TGM4: variants seen among roughly 807,000 people sequenced by gnomAD.
TGM4 encodes the protein transglutaminase 4.
A neutral mutation model predicts 76.3 loss-of-function variants in TGM4; 61 were observed. The observed-to-expected ratio is 0.80, with a 90% CI of 0.65 to 0.99. The LOEUF is 0.99. Ranked by LOEUF, TGM4 falls within the 50% of genes least tolerant of loss-of-function variation. The probability of loss-of-function intolerance (pLI) is 0.00; values close to 1 mark genes in which losing one functional copy is unlikely to be tolerated. For synonymous variants in TGM4, 337 were observed against 329.8 expected (o/e 1.02, Z -0.24); for missense variants, 794 against 843.2 (o/e 0.94, Z 0.72).
chr3:44,896,644 G>T, intron 5 of TGM4, 65 bp from the exon 6 acceptor site: 3 of 1,464,958 alleles, frequency 2.0e-6, no homozygotes, highest in Non-Finnish European at 2.9e-6. Flanking sequence ...AAATTAGATG[G>T]TATGTGTTAA....
intron 3 of TGM4, 172 bp downstream of exon 3, chr3:44,887,967 C>T (rs1699636162): frequency 3.2e-6 from 2 of 633,940 alleles, no homozygotes; most frequent in African/African-American, 1.8e-5. Flanking sequence ...CCCCACTCAG[C>T]CTCCTCCAAG....
chr3:44,911,865 T>C (rs1292611569), intron 13 of TGM4, among the ~76,000 whole-genome samples: 1 of 152,254 alleles, frequency 6.6e-6, no homozygotes, highest in Non-Finnish European at 1.5e-5. Context: ...TCTCACTTTG[T>C]TGCCCAGGCT....
chr3:44,901,664 C>G lies in TGM4; in HGVS notation c.798C>G (p.Gly266=). Residue 266 remains glycine, a synonymous_variant, in exon 7 of 14, where the codon GGC becomes GGG. Transcript: ENST00000296125. ...YYNTKQAVCF[G]QCWVFAGILT... is the part of the protein sequence containing the mutation. ...ACACGAAGCAGGCTGTGTGCTTTGG[C>G]CAGTGCTGGGTGTTTGCTGGGATCC... 1 of 1,614,164 alleles carries G rather than the reference C, an allele frequency of 6.2e-7. No individual in the cohort carries two copies. The highest frequency in any genetic ancestry group is 1.1e-5 in the South Asian group (1 of 91,080).
chr3:44,895,721 T>C (rs543638908), intron 5 of TGM4, among the ~76,000 whole-genome samples: 12 of 152,344 alleles, frequency 7.9e-5, no homozygotes, highest in Non-Finnish European at 1.6e-4. Context: ...ATAAACATTG[T>C]GGTCTATTCC....
intron 4 of TGM4, among the ~76,000 whole-genome samples, chr3:44,891,882 G>A (rs1699703597): frequency 6.6e-6 from 1 of 151,884 alleles, no homozygotes; most frequent in African/African-American, 2.4e-5. Context: ...GGCTGAGACA[G>A]GAGAATGGCG....
chr3:44,909,510 T>C (rs1428371520), intron 10 of TGM4, among the ~76,000 whole-genome samples: 1 of 152,200 alleles, frequency 6.6e-6, no homozygotes, highest in Non-Finnish European at 1.5e-5. Flanking sequence ...GTCAGGTCAA[T>C]GAAGACAAAC....
chr3:44,887,729 C>T lies in TGM4; in HGVS notation c.234C>T (p.Leu78=), dbSNP rs148769047. ...TCGCCAAACACACCCTGGTGGTGCT[C>T]GACCCGAGGACGCCCTCAGACCACT... ...PSIAKHTLVV[L]DPRTPSDHYN... The change falls in exon 3 of 14, where the codon CTC becomes CTT. Residue 78 remains leucine, a synonymous_variant. Transcript: ENST00000296125. The T allele has an allele frequency of 1.2e-4, 190 of 1,614,110 alleles. 1 individual carries two copies. The African/African-American group carries it at 1.7e-3, about 15-fold the overall frequency.
chr3:44,890,528 C>G (rs1400496732), intron 3 of TGM4, 75 bp from the exon 4 acceptor site: 3 of 1,573,334 alleles, frequency 1.9e-6, no homozygotes, highest in African/African-American at 2.7e-5. Flanking sequence ...CTGACGGATT[C>G]TTCTGGGAAG....
chr3:44,903,546 A>ATG, intron 8 of TGM4: 1 of 268,762 alleles, frequency 3.7e-6, no homozygotes, highest in Non-Finnish European at 7.2e-6. Context: ...AACACTGCAG[A>ATG]TGTCAAGACA....
Position 44,881,153 on chromosome 3 carries a change from G to A in TGM4, c.20-4172G>A, listed in dbSNP as rs563914891. On this transcript the variant is annotated intron_variant, in intron 1 of 13. Coordinates refer to ENST00000296125, the MANE Select transcript of TGM4 (RefSeq NM_003241.4). ...CAGGAGGTTGTGGCTGCAGTGAGCCGTGTTCACACCACGGCACTCCAGCCT... is the reference window on the plus strand; with the variant it reads ...CAGGAGGTTGTGGCTGCAGTGAGCCATGTTCACACCACGGCACTCCAGCCT... Among the ~76,000 whole-genome samples the A allele has an allele frequency of 4.1e-3, 622 of 152,076 alleles. 5 individuals carry two copies. Among genetic ancestry groups the A allele is most frequent in the Non-Finnish European group, 6.5e-3 (443 of 67,974 alleles).
chr3:44,881,596 C>A (rs891799864), intron 1 of TGM4, among the ~76,000 whole-genome samples: 1 of 152,108 alleles, frequency 6.6e-6, no homozygotes, highest in Admixed American at 6.5e-5. Context: ...CTCTTAAGTG[C>A]GTTTTTTCTT....
rs746178205 is a variant in TGM4, at chr3:44,903,875, T to C, written c.972-9T>C. On this transcript the variant is annotated splice_polypyrimidine_tract_variant and intron_variant, in intron 8 of 13. Coordinates refer to ENST00000296125, the MANE Select transcript of TGM4 (RefSeq NM_003241.4). ...GTCCGGGGTGGGGCCCGTTCCCAAT[T>C]TGCGGCAGGAATTTCCATGTGTGGA... 4.3e-6 allele frequency: 7 copies of C among 1,614,084 alleles called. No individual in the cohort carries two copies. The highest frequency in any genetic ancestry group is 5.9e-6 in the Non-Finnish European group (7 of 1,179,946).
rs1011755529 is a variant in TGM4 at position 44,914,355 on chromosome 3, T to C, written c.*630T>C. ...CCTGTCCTCAGGCCTGAACTCACCA[T>C]AGAGACCCATGTCAGCAAACGGTGA... On this transcript the variant is annotated 3_prime_UTR_variant, in exon 14 of 14. Coordinates refer to ENST00000296125, the MANE Select transcript of TGM4 (RefSeq NM_003241.4). The C allele has an allele frequency of 2.0e-5, 3 of 152,352 alleles. No homozygotes were observed. Among genetic ancestry groups the C allele is most frequent in the Non-Finnish European group, 2.9e-5 (2 of 68,190 alleles). 9.4% of individuals were successfully genotyped at this position (152,352 alleles called of 1,614,324 possible).
chr3:44,882,057 C>CTT (rs60542332), intron 1 of TGM4, among the ~76,000 whole-genome samples: 2,450 of 104,564 alleles, frequency 0.023, 112 homozygotes, highest in Middle Eastern at 0.066. Flanking sequence ...AATACAAACG[C>CTT]TTTTTTTTTT....
intron 4 of TGM4, among the ~76,000 whole-genome samples, chr3:44,892,475 ATTC>A (rs1699715867): frequency 6.6e-6 from 1 of 150,494 alleles, no homozygotes; most frequent in African/African-American, 2.4e-5. Flanking sequence ...GGTTCAAGCA[ATTC>A]TTCTGCCTCA....
At chr3:44,889,783 G>A (rs1229142210) in intron 3 of TGM4, among the ~76,000 whole-genome samples, 1 of 151,830 alleles carries the variant, frequency 6.6e-6, no homozygotes, top group Non-Finnish European at 1.5e-5. Context: ...TGTATTCCAA[G>A]AGAAAGGTGT....
chr3:44,897,368 G>T (rs1699794462), intron 6 of TGM4, among the ~76,000 whole-genome samples: 1 of 152,176 alleles, frequency 6.6e-6, no homozygotes, highest in African/African-American at 2.4e-5. Context: ...GGTGTAAATG[G>T]CTTCAACTGT....
In TGM4 at chr3:44,890,719, C is replaced by T. The variant is rs1242192228; in HGVS notation, c.417C>T (p.Asn139=). Residue 139 remains asparagine (N), a synonymous_variant, in exon 4 of 14, where the codon AAC becomes AAT. Coordinates refer to ENST00000296125, the MANE Select transcript of TGM4 (RefSeq NM_003241.4). ...AAAACATCCTATACCTTCTCTTCAA[C>T]CCATGGTGTAAAGGTACTGTGAATC... ...SEENILYLLF[N]PWCKEDMVFM... 3.5e-5 allele frequency: 57 copies of T among 1,613,968 alleles called. No homozygotes were observed. The highest frequency in any genetic ancestry group is 3.3e-4 in the Middle Eastern group (2 of 6,084).
At chr3:44,875,541 G>C (rs1175363454) in intron 1 of TGM4, among the ~76,000 whole-genome samples, 3 of 152,096 alleles carry the variant, frequency 2.0e-5, no homozygotes, top group Admixed American at 2.0e-4. Context: ...CCACCACCAA[G>C]AGCAGACACC....
Sources: allele counts gnomAD v4.1 joint callset (sites outside exome capture counted in the v4.1 genomes callset), GRCh38; gene constraint gnomAD v4.1.1; transcripts MANE v1.5; gene names NCBI Gene and HGNC (gene_info 2026-07-23, HGNC 2026-07-21).